OXR1: variants seen among roughly 807,000 people sequenced by gnomAD.
The protein encoded by OXR1 is oxidation resistance protein 1.
Under a neutral mutation model 104.6 loss-of-function variants are expected in OXR1, and 41 were observed. The observed-to-expected ratio is 0.39, with a 90% CI of 0.31 to 0.51. The LOEUF (loss-of-function observed/expected upper bound fraction) is 0.51. Among genes scored for constraint, OXR1 ranks in the 20% least tolerant of loss-of-function variants. OXR1 has a pLI of 0.77. For synonymous variants in OXR1, 348 were observed against 348.4 expected (o/e 1.00, Z 0.01); for missense variants, 955 against 1,031.9 (o/e 0.93, Z 1.02).
chr8:106,672,700 A>C (rs1827168620), intron 3 of OXR1, among the ~76,000 whole-genome samples: 1 of 152,142 alleles, frequency 6.6e-6, no homozygotes, highest in Non-Finnish European at 1.5e-5. Flanking sequence ...CCACATATCA[A>C]GGGAGAAACC....
At chr8:106,737,915 C>A (rs1834548966) in intron 12 of OXR1, among the ~76,000 whole-genome samples, 1 of 152,072 alleles carries the variant, frequency 6.6e-6, no homozygotes, top group African/African-American at 2.4e-5. Context: ...GAGATTGAAT[C>A]TTTTCTAAAC....
At chr8:106,683,381 G>T in intron 5 of OXR1, 75 bp downstream of exon 5, 1 of 635,878 alleles carries the variant, frequency 1.6e-6, no homozygotes. Flanking sequence ...TTGTACTGTA[G>T]TTAATAATAT....
intron 2 of OXR1, among the ~76,000 whole-genome samples, chr8:106,359,985 G>A (rs1816170703): frequency 6.6e-6 from 1 of 152,092 alleles, no homozygotes; most frequent in Non-Finnish European, 1.5e-5. Context: ...CAAGCTATAT[G>A]GGTGGCTGCC....
At chr8:106,395,845 G>T (rs1478584135) in intron 2 of OXR1, among the ~76,000 whole-genome samples, 2 of 151,968 alleles carry the variant, frequency 1.3e-5, no homozygotes, top group African/African-American at 4.8e-5. Flanking sequence ...GCTAATTCTA[G>T]GGCTGGGCAG....
intron 2 of OXR1, among the ~76,000 whole-genome samples, chr8:106,399,970 G>C (rs557292345): frequency 5.3e-4 from 81 of 152,198 alleles, no homozygotes; most frequent in Admixed American, 2.3e-3. Context: ...TTATCATCAG[G>C]CTGTTACATA....
chr8:106,697,181 C>T (rs899696483), intron 7 of OXR1, among the ~76,000 whole-genome samples: 4 of 152,066 alleles, frequency 2.6e-5, no homozygotes, highest in Non-Finnish European at 5.9e-5. Context: ...AATTTTGATC[C>T]CAGGGGAAAA....
chr8:106,489,459 C>A (rs1810931113), intron 2 of OXR1, among the ~76,000 whole-genome samples: 2 of 152,106 alleles, frequency 1.3e-5, no homozygotes, highest in South Asian at 4.1e-4. Context: ...CCTTTAATAA[C>A]TATGATATGT....
chr8:106,500,381 A>G (rs952150568), intron 2 of OXR1, among the ~76,000 whole-genome samples: 6 of 152,222 alleles, frequency 3.9e-5, no homozygotes, highest in Non-Finnish European at 8.8e-5. Context: ...TAGATTCCAG[A>G]CATCGTATAG....
At chr8:106,545,920 C>G (rs1012840224) in intron 3 of OXR1, among the ~76,000 whole-genome samples, 1 of 150,736 alleles carries the variant, frequency 6.6e-6, no homozygotes, top group African/African-American at 2.4e-5. Context: ...TGCTTGAACC[C>G]GGGAGGCAGA....
chr8:106,528,104 C>T (rs552884197), intron 3 of OXR1, among the ~76,000 whole-genome samples: 1 of 152,020 alleles, frequency 6.6e-6, no homozygotes, highest in Non-Finnish European at 1.5e-5. Context: ...TTGTCCCCTC[C>T]CTCTTTCCTT....
chr8:106,697,880 A>G (rs879134319), intron 7 of OXR1: 4 of 1,612,138 alleles, frequency 2.5e-6, no homozygotes, highest in South Asian at 2.2e-5. Flanking sequence ...CCAGGCTGGG[A>G]CCGGCCCACA....
chr8:106,731,212 G>A (rs1043105986), intron 11 of OXR1, among the ~76,000 whole-genome samples: 1 of 151,962 alleles, frequency 6.6e-6, no homozygotes, highest in Non-Finnish European at 1.5e-5. Flanking sequence ...ATTTTAATCA[G>A]GTTGTTTGAT....
intron 3 of OXR1, among the ~76,000 whole-genome samples, chr8:106,614,139 C>G (rs1225893850): frequency 6.6e-6 from 1 of 152,170 alleles, no homozygotes; most frequent in African/African-American, 2.4e-5. Context: ...ATTAGGAAAA[C>G]TACATGATTT....
intron 15 of OXR1, among the ~76,000 whole-genome samples, chr8:106,742,675 C>G (rs935957575): frequency 1.1e-4 from 16 of 152,064 alleles, no homozygotes; most frequent in African/African-American, 3.9e-4. Flanking sequence ...TTTGACAAAC[C>G]TGACAAAAAT....
At chr8:106,463,878 T>C (rs772896367) in intron 2 of OXR1, among the ~76,000 whole-genome samples, 6 of 152,116 alleles carry the variant, frequency 3.9e-5, no homozygotes, top group Non-Finnish European at 7.4e-5. Context: ...TAGGAAAACC[T>C]GAGCTCTAAG....
Position 106,317,794 on chromosome 8 carries a change from C to CAA in OXR1, c.-138-41671_-138-41670dup, listed in dbSNP as rs200998873. ...TACTTCATCTGTTCTAACTAAATTCCAAAAAAAAAAAACAAAAAGGAGTGG... is the reference window on the plus strand; with the variant it reads ...TACTTCATCTGTTCTAACTAAATTCCAAAAAAAAAAAAAACAAAAAGGAGTGG... On this transcript the variant is annotated intron_variant, in intron 1 of 16. Transcript: ENST00000517566. Among the ~76,000 whole-genome samples, 1,204 of 132,768 alleles carry CAA rather than the reference C, an allele frequency of 9.1e-3. 10 individuals carry two copies. The highest frequency in any genetic ancestry group is 0.027 in the African/African-American group (1,024 of 38,188). 87.1% of individuals were successfully genotyped at this position (132,768 alleles called of 152,430 possible).
chr8:106,737,134 G>A (rs1319052846), intron 11 of OXR1, among the ~76,000 whole-genome samples: 1 of 152,104 alleles, frequency 6.6e-6, no homozygotes, highest in Non-Finnish European at 1.5e-5. Flanking sequence ...TTTGGAGGGG[G>A]TAGTTGAAAC....
chr8:106,286,372 G>C (rs1354022711), intron 1 of OXR1, among the ~76,000 whole-genome samples: 1 of 105,368 alleles, frequency 9.5e-6, no homozygotes, highest in African/African-American at 5.3e-5. Flanking sequence ...TTTAAGTTAG[G>C]GTTTTTTTTT....
intron 3 of OXR1, among the ~76,000 whole-genome samples, chr8:106,538,431 G>C (rs1310950522): frequency 2.0e-5 from 3 of 152,030 alleles, no homozygotes; most frequent in Non-Finnish European, 2.9e-5. Flanking sequence ...TCGATTTCTT[G>C]TATCATCTCT....
Sources: allele counts gnomAD v4.1 joint callset (sites outside exome capture counted in the v4.1 genomes callset), GRCh38; gene constraint gnomAD v4.1.1; transcripts MANE v1.5; gene names NCBI Gene and HGNC (gene_info 2026-07-23, HGNC 2026-07-21).